The following CNTN3 variants were observed in gnomAD, a reference collection of about 807,000 sequenced individuals.
CNTN3 encodes contactin-3.
Under a neutral mutation model 119.1 loss-of-function variants are expected in CNTN3, and 60 were observed. The ratio of observed to expected loss-of-function variants is 0.50; its 90% confidence interval spans 0.41 to 0.62. The LOEUF (loss-of-function observed/expected upper bound fraction) is 0.62, where lower values mean the gene tolerates loss of function less well. Among genes scored for constraint, CNTN3 ranks in the 20% least tolerant of loss-of-function variants. The probability of loss-of-function intolerance (pLI) is 0.00; values close to 1 mark genes in which losing one functional copy is unlikely to be tolerated. For synonymous variants in CNTN3, 450 were observed against 438.7 expected, an observed-to-expected ratio of 1.03 and a Z score of -0.32; for missense variants, 1,101 against 1,242.4, an observed-to-expected ratio of 0.89 and a Z score of 1.71.
chr3:74,341,493 T>G (rs543181774), intron 11 of CNTN3, among the ~76,000 whole-genome samples: 5 of 152,316 alleles, frequency 3.3e-5, no homozygotes, highest in Admixed American at 3.3e-4. Context: ...ATGTGCAATT[T>G]AAATCACTGT....
chr3:74,599,761 C>T (rs1470811731), intron 1 of CNTN3, among the ~76,000 whole-genome samples: 1 of 152,012 alleles, frequency 6.6e-6, no homozygotes, highest in Non-Finnish European at 1.5e-5. Context: ...GTCACCTGAC[C>T]AAGCCTTCCA....
intron 4 of CNTN3, among the ~76,000 whole-genome samples, chr3:74,472,729 G>A (rs531225405): frequency 1.2e-4 from 19 of 152,292 alleles, no homozygotes; most frequent in African/African-American, 4.1e-4. Flanking sequence ...ATGGCATACT[G>A]AGTTGTAGCA....
chr3:74,344,004 A>G (rs188761728), intron 11 of CNTN3, among the ~76,000 whole-genome samples: 1 of 152,310 alleles, frequency 6.6e-6, no homozygotes, highest in East Asian at 1.9e-4. Context: ...ACATGGTACA[A>G]TGCCTGCTGC....
chr3:74,282,590 G>A (rs1437188623), intron 20 of CNTN3, among the ~76,000 whole-genome samples: 7 of 152,268 alleles, frequency 4.6e-5, no homozygotes, highest in South Asian at 4.1e-4. Flanking sequence ...GGGGAAGAGC[G>A]ATAGCAAGCA....
At chr3:74,505,961 A>T (rs375087740) in intron 2 of CNTN3, among the ~76,000 whole-genome samples, 4 of 152,122 alleles carry the variant, frequency 2.6e-5, no homozygotes, top group African/African-American at 9.7e-5. Context: ...TAATTAGGGA[A>T]TTGGAACTGA....
At chr3:74,591,346 C>G (rs929022956) in intron 1 of CNTN3, among the ~76,000 whole-genome samples, 2 of 151,914 alleles carry the variant, frequency 1.3e-5, no homozygotes, top group African/African-American at 2.4e-5. Context: ...ATGTGGGAAG[C>G]CTTGAATGCC....
chr3:74,515,875 G>A (rs1055951083), intron 2 of CNTN3, among the ~76,000 whole-genome samples: 9 of 151,926 alleles, frequency 5.9e-5, no homozygotes, highest in African/African-American at 2.2e-4. Context: ...CTTATTAGTT[G>A]AAAATCTTCA....
At position 74,589,496 on chromosome 3, in the gene CNTN3, G is replaced by T. The variant is rs772418452; in HGVS notation, c.-81+24895C>A. Among the ~76,000 whole-genome samples the T allele has an allele frequency of 5.5e-3, 808 of 145,640 alleles. 1 individual carries two copies. The highest frequency in any genetic ancestry group is 8.7e-3 in the Non-Finnish European group (575 of 66,052). ...GGATGTGGAGAAATAGGAACACTTT[G>T]ACACTGTTGGTGGGACTGTAAACTA... On this transcript the variant is annotated intron_variant, in intron 1 of 22. Transcript: ENST00000263665.
intron 13 of CNTN3, among the ~76,000 whole-genome samples, chr3:74,329,304 T>C (rs995684735): frequency 1.3e-5 from 2 of 152,228 alleles, no homozygotes; most frequent in African/African-American, 4.8e-5. Context: ...AGATTGGTTG[T>C]CACTGCTCAA....
At chr3:74,322,343 T>G (rs1703016415) in intron 13 of CNTN3, among the ~76,000 whole-genome samples, 1 of 152,174 alleles carries the variant, frequency 6.6e-6, no homozygotes, top group African/African-American at 2.4e-5. Context: ...GCAAAAGACC[T>G]GAACCAACAC....
chr3:74,465,195 A>C (rs1340032217), intron 4 of CNTN3, among the ~76,000 whole-genome samples: 2 of 152,228 alleles, frequency 1.3e-5, no homozygotes, highest in Non-Finnish European at 1.5e-5. Context: ...GGTACACAGC[A>C]GGCCTGTAAG....
chr3:74,463,232 CT>C (rs1702403852), intron 4 of CNTN3, among the ~76,000 whole-genome samples: 2 of 152,096 alleles, frequency 1.3e-5, no homozygotes, highest in African/African-American at 4.8e-5. Context: ...TGTCTCTTTT[CT>C]GAAGTAAGTG....
chr3:74,280,543 C>G (rs1197631891), intron 20 of CNTN3, among the ~76,000 whole-genome samples: 2 of 152,216 alleles, frequency 1.3e-5, no homozygotes, highest in Non-Finnish European at 2.9e-5. Flanking sequence ...CCCAGTGTGA[C>G]TGGCCAAGAG....
At chr3:74,589,792 T>C (rs936362832) in intron 1 of CNTN3, among the ~76,000 whole-genome samples, 3 of 151,058 alleles carry the variant, frequency 2.0e-5, no homozygotes, top group Non-Finnish European at 4.4e-5. Flanking sequence ...AAATGATGAG[T>C]TCATGTCCTT....
intron 4 of CNTN3, among the ~76,000 whole-genome samples, chr3:74,453,681 C>T (rs1000344695): frequency 6.7e-6 from 1 of 150,082 alleles, no homozygotes; most frequent in South Asian, 2.2e-4. Flanking sequence ...CTACACACTG[C>T]TTTGAATGTG....
chr3:74,309,010 CGT>C (rs1702623578), intron 13 of CNTN3, among the ~76,000 whole-genome samples: 1 of 152,092 alleles, frequency 6.6e-6, no homozygotes, highest in Non-Finnish European at 1.5e-5. Flanking sequence ...GAGCCGGAGA[CGT>C]TTGCTCTGTT....
intron 1 of CNTN3, among the ~76,000 whole-genome samples, chr3:74,575,092 TTC>T (rs1190532418): frequency 6.6e-6 from 1 of 151,954 alleles, no homozygotes; most frequent in Non-Finnish European, 1.5e-5. Context: ...CCTCATTTAT[TTC>T]TTTTTATTTT....
chr3:74,560,326 T>G (rs1704134356), intron 1 of CNTN3, among the ~76,000 whole-genome samples: 1 of 152,182 alleles, frequency 6.6e-6, no homozygotes, highest in Non-Finnish European at 1.5e-5. Context: ...ATTATGGATG[T>G]TGTTGTTATT....
Position 74,437,637 on chromosome 3 carries a change from T to C in CNTN3, c.359-12697A>G, listed in dbSNP as rs537974728. Among the ~76,000 whole-genome samples the C allele has an allele frequency of 1.7e-4, 26 of 152,170 alleles. 1 individual carries two copies. The South Asian group carries it at 5.0e-3, about 29-fold the overall frequency. On this transcript the variant is annotated intron_variant, in intron 4 of 22. Transcript: ENST00000263665. ...CGAACAATTACTACAAACTGAAGAG[T>C]CAACTAAATCTTTGCTTTCTTAAAA...
Sources: gnomAD v4.1 joint callset for allele counts (sites outside exome capture counted in the v4.1 genomes callset) on GRCh38, gnomAD v4.1.1 for gene constraint, MANE v1.5 for transcripts, NCBI Gene and HGNC (gene_info 2026-07-23, HGNC 2026-07-21) for gene names.